Variants in ZBTB20 observed in about 807,000 individuals in gnomAD.
The protein encoded by ZBTB20 is zinc finger and BTB domain-containing protein 20.
In ZBTB20, 9 loss-of-function variants were observed where a neutral mutation model predicts 56.9. The ratio of observed to expected loss-of-function variants is 0.16; its 90% CI spans 0.10 to 0.28. The LOEUF (loss-of-function observed/expected upper bound fraction) is 0.28, where lower values mean the gene tolerates loss of function less well. Among genes scored for constraint, ZBTB20 ranks in the 10% least tolerant of loss-of-function variants. The pLI, the probability that ZBTB20 is intolerant of heterozygous loss-of-function variation, is 1.00. For missense variants in ZBTB20, 655 were observed against 1,003.0 expected, an observed-to-expected ratio of 0.65 and a Z score of 4.69; for synonymous variants, 417 against 420.7, an observed-to-expected ratio of 0.99 and a Z score of 0.11.
chr3:114,896,807 A>T (rs2074901314), intron 4 of ZBTB20, among the ~76,000 whole-genome samples: 1 of 152,140 alleles, frequency 6.6e-6, no homozygotes, highest in Admixed American at 6.6e-5. Context: ...TTTGGGGAAA[A>T]TAATAAAAAT....
intron 1 of ZBTB20, among the ~76,000 whole-genome samples, chr3:115,146,850 G>A (rs1250705378): frequency 1.3e-5 from 2 of 152,080 alleles, no homozygotes; most frequent in Non-Finnish European, 2.9e-5. Flanking sequence ...GAGAGAAGAA[G>A]GCAGAAGACA....
At chr3:114,834,347 T>C (rs759484071) in intron 4 of ZBTB20, among the ~76,000 whole-genome samples, 2 of 152,120 alleles carry the variant, frequency 1.3e-5, no homozygotes, top group Non-Finnish European at 2.9e-5. Context: ...ACAGTGCCTA[T>C]GACATCACAG....
chr3:114,420,167 A>C (rs2089004220), intron 7 of ZBTB20, among the ~76,000 whole-genome samples: 1 of 152,138 alleles, frequency 6.6e-6, no homozygotes, highest in African/African-American at 2.4e-5. Flanking sequence ...CATTGTTTTC[A>C]TCTCAACTAG....
At chr3:114,856,911 T>A (rs1437004253) in intron 4 of ZBTB20, among the ~76,000 whole-genome samples, 1 of 152,160 alleles carries the variant, frequency 6.6e-6, no homozygotes, top group Non-Finnish European at 1.5e-5. Flanking sequence ...AAATGTAGAT[T>A]TAATAGAAGA....
intron 4 of ZBTB20, among the ~76,000 whole-genome samples, chr3:114,883,143 A>G (rs1375588627): frequency 6.6e-6 from 1 of 152,208 alleles, no homozygotes; most frequent in Non-Finnish European, 1.5e-5. Flanking sequence ...AGAATGGTGG[A>G]AAAATATGTT....
intron 3 of ZBTB20, among the ~76,000 whole-genome samples, chr3:114,956,287 G>A (rs1170164914): frequency 6.6e-6 from 1 of 152,066 alleles, no homozygotes; most frequent in East Asian, 1.9e-4. Flanking sequence ...TCAAGCAAGT[G>A]GACAAATACT....
At chr3:114,536,876 C>T (rs995709903) in intron 6 of ZBTB20, among the ~76,000 whole-genome samples, 1 of 152,064 alleles carries the variant, frequency 6.6e-6, no homozygotes, top group South Asian at 2.1e-4. Context: ...CTGACAAAAA[C>T]AAGAAAAGGG....
At chr3:114,956,078 C>T (rs1196112830) in intron 3 of ZBTB20, among the ~76,000 whole-genome samples, 1 of 152,016 alleles carries the variant, frequency 6.6e-6, no homozygotes, top group Non-Finnish European at 1.5e-5. Context: ...AGGTCTCTAA[C>T]GACAAGATAA....
chr3:115,014,575 A>T (rs2079863337), intron 2 of ZBTB20, among the ~76,000 whole-genome samples: 1 of 150,816 alleles, frequency 6.6e-6, no homozygotes, highest in Non-Finnish European at 1.5e-5. Flanking sequence ...AAAATTAAAA[A>T]TAAAAATAAT....
At chr3:114,932,254 T>A (rs1315208761) in intron 3 of ZBTB20, among the ~76,000 whole-genome samples, 1 of 152,204 alleles carries the variant, frequency 6.6e-6, no homozygotes, top group Non-Finnish European at 1.5e-5. Context: ...AGTGTTTGCC[T>A]AATATCCAAT....
At chr3:114,582,639 T>A (rs1051215948) in intron 6 of ZBTB20, among the ~76,000 whole-genome samples, 1 of 152,118 alleles carries the variant, frequency 6.6e-6, no homozygotes, top group Non-Finnish European at 1.5e-5. Context: ...TTTGGCCTCC[T>A]AAAGTGCCGG....
chr3:114,513,999 T>C (rs985677462), intron 6 of ZBTB20, among the ~76,000 whole-genome samples: 1 of 152,066 alleles, frequency 6.6e-6, no homozygotes, highest in African/African-American at 2.4e-5. Context: ...TTTATGTATG[T>C]GTATATGTAT....
intron 4 of ZBTB20, among the ~76,000 whole-genome samples, chr3:114,872,211 T>G (rs1335362357): frequency 6.6e-6 from 1 of 152,150 alleles, no homozygotes; most frequent in Non-Finnish European, 1.5e-5. Flanking sequence ...GATTGTGACA[T>G]GCTTACTGGC....
intron 6 of ZBTB20, among the ~76,000 whole-genome samples, chr3:114,602,414 T>C (rs2056828898): frequency 6.6e-6 from 1 of 152,008 alleles, no homozygotes; most frequent in Non-Finnish European, 1.5e-5. Context: ...TGAGATCTCC[T>C]TACACATCTT....
At chr3:114,645,230 T>C (rs2059776475) in intron 6 of ZBTB20, among the ~76,000 whole-genome samples, 1 of 152,172 alleles carries the variant, frequency 6.6e-6, no homozygotes, top group Non-Finnish European at 1.5e-5. Flanking sequence ...TAAGAGTTCA[T>C]ATATTTTTGT....
chr3:114,579,571 A>G (rs150930834), intron 6 of ZBTB20, among the ~76,000 whole-genome samples: 24 of 151,686 alleles, frequency 1.6e-4, no homozygotes, highest in African/African-American at 5.5e-4. Context: ...AATAACGCTA[A>G]TGCTGATAAA....
chr3:114,564,620 A>C (rs2052498732), intron 6 of ZBTB20, among the ~76,000 whole-genome samples: 1 of 152,144 alleles, frequency 6.6e-6, no homozygotes, highest in Non-Finnish European at 1.5e-5. Context: ...GTTTTAGTCA[A>C]TCCCATTTAT....
At chr3:114,921,407 GC>G (rs1477662564) in intron 3 of ZBTB20, among the ~76,000 whole-genome samples, 10 of 152,168 alleles carry the variant, frequency 6.6e-5, no homozygotes, top group African/African-American at 2.4e-4. Context: ...ACAGGTGTGA[GC>G]CACCGTGCCT....
In ZBTB20 at chr3:114,555,382, G is replaced by A. The variant is rs145017850; in HGVS notation, c.-294-54991C>T. 3.9e-4 allele frequency among the ~76,000 whole-genome samples: 60 copies of A among 152,090 alleles called. No individual in the cohort carries two copies. In the East Asian group the frequency reaches 8.7e-3, roughly 22 times the overall value. On this transcript the variant is annotated intron_variant, in intron 6 of 11. Coordinates refer to ENST00000675478, the MANE Select transcript of ZBTB20 (RefSeq NM_001348800.3). ...ATAATAGTGATGGACAGAATCTCAC[G>A]CCTGTCGACATCCCAGCATCTCAGC... is the stretch of plus-strand genomic sequence containing the variant.
Sources: gnomAD v4.1 joint callset for allele counts (sites outside exome capture counted in the v4.1 genomes callset) on GRCh38, gnomAD v4.1.1 for gene constraint, MANE v1.5 for transcripts, NCBI Gene and HGNC (gene_info 2026-07-23, HGNC 2026-07-21) for gene names.